CNTNAP2: variants seen among roughly 807,000 people sequenced by gnomAD.
CNTNAP2 encodes the protein contactin-associated protein-like 2.
Under a neutral mutation model 155.2 loss-of-function variants are expected in CNTNAP2, and 98 were observed. That is an observed-to-expected ratio of 0.63 (90% confidence interval 0.54 to 0.75). The LOEUF (loss-of-function observed/expected upper bound fraction) is 0.75. Among genes scored for constraint, CNTNAP2 ranks in the 30% least tolerant of loss-of-function variants. The probability of loss-of-function intolerance (pLI) is 0.00; values close to 1 mark genes in which losing one functional copy is unlikely to be tolerated. For synonymous variants in CNTNAP2, 651 were observed against 631.2 expected, an observed-to-expected ratio of 1.03 and a Z score of -0.47; for missense variants, 1,727 against 1,688.1, an observed-to-expected ratio of 1.02 and a Z score of -0.40.
At position 147,731,569 on chromosome 7, in the gene CNTNAP2, A is replaced by G. The variant is rs114986197; in HGVS notation, c.2098+92263A>G. On this transcript the variant is annotated intron_variant, in intron 13 of 23. Transcript: ENST00000361727. Reference sequence around the variant, plus strand: ...ATCACCCAAGAGCTCTGATGGAGATATACAAGAAGATTAATGTTGTTTTCA... The same window carrying G: ...ATCACCCAAGAGCTCTGATGGAGATGTACAAGAAGATTAATGTTGTTTTCA... Among the ~76,000 whole-genome samples, 1,266 of 152,232 alleles carry G rather than the reference A, an allele frequency of 8.3e-3. 18 individuals carry two copies. Among genetic ancestry groups the G allele is most frequent in the African/African-American group, 0.026 (1,084 of 41,548 alleles).
intron 9 of CNTNAP2, among the ~76,000 whole-genome samples, chr7:147,300,793 CAGTT>C (rs1794933879): frequency 6.6e-6 from 1 of 152,138 alleles, no homozygotes; most frequent in African/African-American, 2.4e-5. Context: ...ACCTGGCTGA[CAGTT>C]GGTGCTGGCT....
intron 3 of CNTNAP2, among the ~76,000 whole-genome samples, chr7:146,975,685 C>T (rs867456060): frequency 2.0e-5 from 3 of 152,242 alleles, no homozygotes; most frequent in East Asian, 3.9e-4. Flanking sequence ...AAGATGAAAT[C>T]ACAGATGTGC....
chr7:147,588,622 C>G (rs556544341), intron 12 of CNTNAP2, among the ~76,000 whole-genome samples: 6 of 152,264 alleles, frequency 3.9e-5, no homozygotes, highest in East Asian at 1.9e-4. Context: ...TAGAACCAAG[C>G]TAATCAGATG....
At chr7:147,674,503 T>TA (rs942782886) in intron 13 of CNTNAP2, among the ~76,000 whole-genome samples, 11 of 152,138 alleles carry the variant, frequency 7.2e-5, no homozygotes, top group Non-Finnish European at 1.3e-4. Flanking sequence ...CATTCTATTG[T>TA]AAAAAATGAG....
At chr7:147,492,134 G>A (rs1408157373) in intron 11 of CNTNAP2, among the ~76,000 whole-genome samples, 1 of 152,210 alleles carries the variant, frequency 6.6e-6, no homozygotes, top group African/African-American at 2.4e-5. Flanking sequence ...GGTGGGGGAA[G>A]TGGGTAAGGG....
intron 8 of CNTNAP2, among the ~76,000 whole-genome samples, chr7:147,255,036 TG>T (rs1202652996): frequency 6.6e-6 from 1 of 152,170 alleles, no homozygotes; most frequent in Non-Finnish European, 1.5e-5. Context: ...AAAATTATGA[TG>T]GGGAAAAAAC....
At chr7:147,526,079 C>G (rs1412191005) in intron 11 of CNTNAP2, among the ~76,000 whole-genome samples, 1 of 151,244 alleles carries the variant, frequency 6.6e-6, no homozygotes, top group African/African-American at 2.4e-5. Flanking sequence ...GTAATCCCAG[C>G]TACTCGAGAG....
chr7:146,139,764 T>A (rs537702430), intron 1 of CNTNAP2, among the ~76,000 whole-genome samples: 2 of 152,262 alleles, frequency 1.3e-5, no homozygotes, highest in South Asian at 4.1e-4. Flanking sequence ...TTAAGAAGTT[T>A]GTGGAAATAG....
chr7:147,021,451 A>C (rs1798816064), intron 3 of CNTNAP2, among the ~76,000 whole-genome samples: 1 of 152,122 alleles, frequency 6.6e-6, no homozygotes, highest in African/African-American at 2.4e-5. Context: ...TGTATGATAT[A>C]TTTCTCAGAC....
At chr7:147,554,323 C>T (rs926041668) in intron 11 of CNTNAP2, among the ~76,000 whole-genome samples, 1 of 151,532 alleles carries the variant, frequency 6.6e-6, no homozygotes, top group African/African-American at 2.4e-5. Flanking sequence ...CACAGTGATA[C>T]AGGGGCAAAG....
chr7:147,963,325 G>A (rs1801144785), intron 14 of CNTNAP2, among the ~76,000 whole-genome samples: 1 of 152,082 alleles, frequency 6.6e-6, no homozygotes, highest in Non-Finnish European at 1.5e-5. Context: ...TTATCCATGT[G>A]AGTCAATTTC....
chr7:147,147,345 C>G (rs1420358444), intron 8 of CNTNAP2, among the ~76,000 whole-genome samples: 1 of 152,106 alleles, frequency 6.6e-6, no homozygotes, highest in Non-Finnish European at 1.5e-5. Flanking sequence ...TACAACCAAA[C>G]CATATCAGTA....
chr7:148,121,019 A>G (rs1368175229), intron 16 of CNTNAP2, among the ~76,000 whole-genome samples: 7 of 152,010 alleles, frequency 4.6e-5, no homozygotes, highest in Admixed American at 4.6e-4. Context: ...TGTCTCATCA[A>G]TCACACTTTT....
At chr7:147,001,220 G>A (rs150147980) in intron 3 of CNTNAP2, among the ~76,000 whole-genome samples, 24 of 152,002 alleles carry the variant, frequency 1.6e-4, no homozygotes, top group African/African-American at 4.1e-4. Flanking sequence ...CTTGGTTTTC[G>A]TAGCTCTTGT....
chr7:146,477,898 A>C (rs1467867876), intron 1 of CNTNAP2, among the ~76,000 whole-genome samples: 1 of 152,128 alleles, frequency 6.6e-6, no homozygotes, highest in African/African-American at 2.4e-5. Context: ...GCAGGTGTTA[A>C]ATTATTGTAT....
At chr7:147,166,867 C>A (rs1245168712) in intron 8 of CNTNAP2, among the ~76,000 whole-genome samples, 1 of 152,052 alleles carries the variant, frequency 6.6e-6, no homozygotes. Context: ...TGTGTACATG[C>A]AGGTCACAGG....
At chr7:147,570,307 G>A (rs1762819857) in intron 12 of CNTNAP2, among the ~76,000 whole-genome samples, 1 of 152,110 alleles carries the variant, frequency 6.6e-6, no homozygotes, top group Non-Finnish European at 1.5e-5. Flanking sequence ...GACCATTTTA[G>A]AATTCTGTTT....
At chr7:147,131,429 AAT>A (rs1313044202) in intron 7 of CNTNAP2, among the ~76,000 whole-genome samples, 1 of 152,002 alleles carries the variant, frequency 6.6e-6, no homozygotes, top group Non-Finnish European at 1.5e-5. Flanking sequence ...TAGGCACTGA[AAT>A]ATACAATTTA....
chr7:148,043,947 C>T (rs1802722696), intron 15 of CNTNAP2, among the ~76,000 whole-genome samples: 1 of 152,174 alleles, frequency 6.6e-6, no homozygotes, highest in South Asian at 2.1e-4. Context: ...ATATATTTGA[C>T]TATTCCATGG....
Sources: allele counts gnomAD v4.1 joint callset (sites outside exome capture counted in the v4.1 genomes callset), GRCh38; gene constraint gnomAD v4.1.1; transcripts MANE v1.5; gene names NCBI Gene and HGNC (gene_info 2026-07-23, HGNC 2026-07-21).